The following UGT2A1 variants were observed in gnomAD, a reference collection of about 807,000 sequenced individuals.
UGT2A1 encodes the protein UDP glucuronosyltransferase family 2 member A1 complex locus.
A neutral mutation model predicts 45.4 loss-of-function variants in UGT2A1; 61 were observed. The observed-to-expected ratio is 1.34, with a 90% CI of 1.09 to 1.66. UGT2A1 has a LOEUF of 1.66. UGT2A1 is among the 40% of genes most tolerant of loss of function. UGT2A1 has a pLI of 0.00. For missense variants in UGT2A1, 649 were observed against 574.3 expected (o/e 1.13, Z -1.33); for synonymous variants, 229 against 196.2 (o/e 1.17, Z -1.40).
chr4:69,636,422 A>G (rs891008399), intron 2 of UGT2A1, among the ~76,000 whole-genome samples: 1 of 152,164 alleles, frequency 6.6e-6, no homozygotes, highest in Admixed American at 6.5e-5. Context: ...TAAAATATTC[A>G]AGGCAGTTAT....
At chr4:69,633,253 C>A (rs1036246012) in intron 3 of UGT2A1, among the ~76,000 whole-genome samples, 4 of 151,902 alleles carry the variant, frequency 2.6e-5, no homozygotes, top group African/African-American at 9.7e-5. Context: ...AAAAATTATA[C>A]CTTAATAAAA....
intron 3 of UGT2A1, among the ~76,000 whole-genome samples, chr4:69,634,334 T>C (rs1004002738): frequency 2.7e-5 from 4 of 147,476 alleles, no homozygotes; most frequent in Non-Finnish European, 6.0e-5. Context: ...TAAGAAGGAA[T>C]TGGAAGGCTT....
intron 1 of UGT2A1, among the ~76,000 whole-genome samples, chr4:69,652,538 T>C (rs952952142): frequency 6.6e-6 from 1 of 152,122 alleles, no homozygotes; most frequent in Non-Finnish European, 1.5e-5. Flanking sequence ...CCCAAAGTGC[T>C]GGGATTACAG....
At position 69,589,016 on chromosome 4, in the gene UGT2A1, C is replaced by T. The variant is rs187751756; in HGVS notation, c.*356G>A. 9.6e-4 allele frequency: 172 copies of T among 178,560 alleles called. No individual in the cohort carries two copies. Among genetic ancestry groups the T allele is most frequent in the African/African-American group, 4.0e-3 (168 of 41,938 alleles). The allele number at this position is 178,560 out of a possible 1,614,324, so 11.1% of individuals were successfully genotyped here. A position where few individuals can be genotyped will look rare whatever the true frequency, so the allele number is the denominator to read the frequency against. ...ATTCCATCTACACTGTATGCATTAC[C>T]AGGATTCAGCATATTGTTAATCATT... On this transcript the variant is annotated 3_prime_UTR_variant, in exon 7 of 7. Coordinates refer to ENST00000286604, the MANE Select transcript of UGT2A1 (RefSeq NM_001252275.3).
intron 2 of UGT2A1, chr4:69,639,374 C>A: frequency 5.6e-6 from 9 of 1,613,610 alleles, no homozygotes; most frequent in Non-Finnish European, 7.6e-6. Flanking sequence ...CTATATTGCT[C>A]TTCTTGTAGG....
intron 3 of UGT2A1, among the ~76,000 whole-genome samples, chr4:69,605,749 C>T (rs924500031): frequency 5.9e-5 from 8 of 136,084 alleles, no homozygotes; most frequent in Admixed American, 2.9e-4. Flanking sequence ...ATATCACCAC[C>T]GATCCCACAG....
At chr4:69,646,872 G>T in intron 2 of UGT2A1, 58 bp downstream of exon 2, 2 of 1,194,124 alleles carry the variant, frequency 1.7e-6, no homozygotes, top group Non-Finnish European at 2.3e-6. Context: ...TAAAGAAGAG[G>T]CTCTACAAAG....
chr4:69,637,628 C>A (rs918956293), intron 2 of UGT2A1, among the ~76,000 whole-genome samples: 1 of 152,098 alleles, frequency 6.6e-6, no homozygotes, highest in Non-Finnish European at 1.5e-5. Flanking sequence ...TTTAAATATG[C>A]AAACTCACTC....
At chr4:69,613,471 G>A (rs907533755) in intron 3 of UGT2A1, among the ~76,000 whole-genome samples, 6 of 151,736 alleles carry the variant, frequency 4.0e-5, no homozygotes, top group African/African-American at 1.5e-4. Flanking sequence ...CCAAAACATA[G>A]TATTCCAACT....
In UGT2A1 at chr4:69,595,268, T is replaced by C; in HGVS notation, c.997-19A>G. 6.2e-7 allele frequency: 1 copy of C among 1,612,480 alleles called. No individual in the cohort carries two copies. Among genetic ancestry groups the C allele is most frequent in the Non-Finnish European group, 8.5e-7 (1 of 1,179,342 alleles). ...ATAAAACCTGTGGAAAATGGTGCTT[T>C]AATTTTGCAAGGAAAAACACAATGA... On this transcript the variant is annotated intron_variant, in intron 4 of 6. Coordinates refer to ENST00000286604, the MANE Select transcript of UGT2A1 (RefSeq NM_001252275.3).
At chr4:69,640,822 G>A (rs1722011902) in intron 2 of UGT2A1, among the ~76,000 whole-genome samples, 1 of 151,676 alleles carries the variant, frequency 6.6e-6, no homozygotes, top group Non-Finnish European at 1.5e-5. Context: ...TGAATATAGT[G>A]GCAGTACCTT....
chr4:69,650,914 C>T (rs1722494740), intron 1 of UGT2A1, among the ~76,000 whole-genome samples: 1 of 152,098 alleles, frequency 6.6e-6, no homozygotes, highest in Non-Finnish European at 1.5e-5. Flanking sequence ...GATATTCATG[C>T]TGAAGTATAG....
chr4:69,636,407 T>G (rs1185465354), intron 2 of UGT2A1, among the ~76,000 whole-genome samples: 3 of 152,170 alleles, frequency 2.0e-5, no homozygotes, highest in African/African-American at 4.8e-5. Flanking sequence ...TACCTTAATT[T>G]GAAATAAAAT....
chr4:69,605,887 T>C (rs1480251185), intron 3 of UGT2A1, among the ~76,000 whole-genome samples: 2 of 136,580 alleles, frequency 1.5e-5, no homozygotes, highest in Admixed American at 7.2e-5. Context: ...ACATTGAATC[T>C]CTGAATAGAC....
At chr4:69,596,641 C>T (rs1718952203) in intron 4 of UGT2A1, among the ~76,000 whole-genome samples, 1 of 152,112 alleles carries the variant, frequency 6.6e-6, no homozygotes, top group African/African-American at 2.4e-5. Flanking sequence ...CACACCTCAG[C>T]CTCCTGAGTA....
intron 4 of UGT2A1, among the ~76,000 whole-genome samples, chr4:69,598,965 G>A (rs1177518804): frequency 6.6e-6 from 1 of 152,102 alleles, no homozygotes; most frequent in African/African-American, 2.4e-5. Flanking sequence ...TAATTTCTAT[G>A]ATCTGGTTTT....
chr4:69,632,081 G>T (rs531713168), intron 3 of UGT2A1, among the ~76,000 whole-genome samples: 1 of 152,026 alleles, frequency 6.6e-6, no homozygotes, highest in Non-Finnish European at 1.5e-5. Flanking sequence ...ATTTTTGAAA[G>T]AGATTCACGA....
chr4:69,589,708 A>G, intron 6 of UGT2A1, 57 bp from the exon 7 acceptor site: 2 of 1,558,650 alleles, frequency 1.3e-6, no homozygotes, highest in Non-Finnish European at 1.7e-6. Context: ...TTTTCATTGA[A>G]GATAAATATG....
At chr4:69,630,573 GA>G (rs1277719655) in intron 3 of UGT2A1, among the ~76,000 whole-genome samples, 1 of 152,048 alleles carries the variant, frequency 6.6e-6, no homozygotes, top group Non-Finnish European at 1.5e-5. Flanking sequence ...CCTCCAAGTA[GA>G]AAAGGGTCAT....
Sources: gnomAD v4.1 joint callset for allele counts (sites outside exome capture counted in the v4.1 genomes callset) on GRCh38, gnomAD v4.1.1 for gene constraint, MANE v1.5 for transcripts, NCBI Gene and HGNC (gene_info 2026-07-23, HGNC 2026-07-21) for gene names.